Variants in ARHGEF2 observed in about 807,000 individuals in gnomAD.
The protein encoded by ARHGEF2 is Rho/Rac guanine nucleotide exchange factor 2.
Under a neutral mutation model 121.0 loss-of-function variants are expected in ARHGEF2, and 22 were observed. The observed-to-expected ratio is 0.18, with a 90% confidence interval of 0.13 to 0.26. ARHGEF2 has a LOEUF of 0.26. Among genes scored for constraint, ARHGEF2 ranks in the 10% least tolerant of loss-of-function variants. The pLI is 1.00. For synonymous variants in ARHGEF2, 487 were observed against 530.0 expected (o/e 0.92, Z 1.11); for missense variants, 907 against 1,336.0 (o/e 0.68, Z 5.01).
Position 155,977,984 on chromosome 1 carries a change from G to T in ARHGEF2, c.63+381C>A, listed in dbSNP as rs532976143. On this transcript the variant is annotated intron_variant, in intron 1 of 21. Coordinates refer to ENST00000361247, the MANE Select transcript of ARHGEF2 (RefSeq NM_001162383.2). ...GCCACGCCAAGCCCAAGCCGGTGGG[G>T]CCCGGGGTGAGAGGAGGTGCCGGAG... is the stretch of plus-strand genomic sequence containing the variant. 971 of 712,180 alleles carry T rather than the reference G, an allele frequency of 1.4e-3. 3 individuals carry two copies. Among genetic ancestry groups the T allele is most frequent in the African/African-American group, 0.013 (686 of 53,166 alleles). The allele number at this position is 712,180 out of a possible 1,614,324, so 44.1% of individuals were successfully genotyped here. A position where few individuals can be genotyped will look rare whatever the true frequency, so the allele number is the denominator to read the frequency against.
In ARHGEF2 at chr1:155,978,373, C is replaced by T. The variant is rs1260128281; in HGVS notation, c.55G>A (p.Ala19Thr). The T allele has an allele frequency of 6.6e-6, 10 of 1,516,606 alleles. No individual in the cohort carries two copies. The highest frequency in any genetic ancestry group is 8.9e-6 in the Non-Finnish European group (10 of 1,122,728). 93.9% of individuals were successfully genotyped at this position (1,516,606 alleles called of 1,614,324 possible). Residue 19 changes from alanine (A) to threonine (T), a missense_variant, in exon 1 of 22, where the codon GCG becomes ACG. Ala to Thr is a moderately conservative substitution (Grantham distance 58). Around this residue, in one of 2 missense-constraint regions of ARHGEF2, gnomAD observed 475 missense variants for 776.5 expected, o/e 0.61. Transcript: ENST00000361247. The surrounding 1 kb of genome is among the most constrained non-coding windows in gnomAD (Gnocchi z 4.1). ...RARIDRSREL[A>T]SKTREKEKMK... Reference sequence around the variant, plus strand: ...GGGGTTTCCGAGCCCACCTTGCTCGCCAGCTCTCTGCTCCGGTCGATCCGC... The same window carrying T: ...GGGGTTTCCGAGCCCACCTTGCTCGTCAGCTCTCTGCTCCGGTCGATCCGC...
chr1:155,966,987 C>T (rs1017562604), intron 2 of ARHGEF2, 100 bp from the exon 3 acceptor site: 39 of 1,152,002 alleles, frequency 3.4e-5, no homozygotes, highest in African/African-American at 2.9e-4. Context: ...ACACAGTCCT[C>T]GGGGACTCTC....
intron 1 of ARHGEF2, among the ~76,000 whole-genome samples, chr1:155,977,781 G>T (rs1420651439): frequency 6.6e-6 from 1 of 152,208 alleles, no homozygotes; most frequent in Non-Finnish European, 1.5e-5. Context: ...CCAGAGGGGA[G>T]AACTGAATCA....
chr1:155,971,122 A>G, intron 1 of ARHGEF2: 1 of 985,022 alleles, frequency 1.0e-6, no homozygotes, highest in Non-Finnish European at 1.2e-6. Flanking sequence ...TCCTCTACCT[A>G]GGCTTATTCA....
chr1:155,955,740 G>C (rs995670540), intron 13 of ARHGEF2, among the ~76,000 whole-genome samples: 2 of 151,590 alleles, frequency 1.3e-5, no homozygotes, highest in Admixed American at 6.6e-5. Flanking sequence ...TTTTGAGAGA[G>C]AGTCTTGCAC....
Position 155,978,202 on chromosome 1 carries a change from G to C in ARHGEF2, c.63+163C>G. The C allele has an allele frequency of 7.8e-7, 1 of 1,274,974 alleles. No individual in the cohort carries two copies. The allele number at this position is 1,274,974 out of a possible 1,614,324, so 79.0% of individuals were successfully genotyped here. A position where few individuals can be genotyped will look rare whatever the true frequency, so the allele number is the denominator to read the frequency against. ...CCGCTCCCCCCACCCCTACCCACTC[G>C]CTCGCAGTCCCCACCCACCCCGTCC... On this transcript the variant is annotated intron_variant, in intron 1 of 21. Coordinates refer to ENST00000361247, the MANE Select transcript of ARHGEF2 (RefSeq NM_001162383.2). This position sits in a 1 kb window ranked among gnomAD's most constrained non-coding sequence, Gnocchi z 4.1.
In ARHGEF2 at chr1:155,947,765, TG is replaced by T; in HGVS notation, c.*176del. On this transcript the variant is annotated 3_prime_UTR_variant, in exon 22 of 22. Transcript: ENST00000361247. Reference sequence around the variant, plus strand: ...CTTTCGGATGTCCCAGGGGGTGTTGTGGCCTAATTCCCCTAGCTTCTTAAAT... The same window carrying T: ...CTTTCGGATGTCCCAGGGGGTGTTGTGCCTAATTCCCCTAGCTTCTTAAAT... 1 of 564,852 alleles carries T rather than the reference TG, an allele frequency of 1.8e-6. No individual in the cohort carries two copies. Among genetic ancestry groups the T allele is most frequent in the Non-Finnish European group, 3.2e-6 (1 of 313,676 alleles). The allele number at this position is 564,852 out of a possible 1,614,324, so 35.0% of individuals were successfully genotyped here. A position where few individuals can be genotyped will look rare whatever the true frequency, so the allele number is the denominator to read the frequency against.
At chr1:155,955,075 T>A in intron 13 of ARHGEF2, 106 bp from the exon 14 acceptor site, 2 of 884,842 alleles carry the variant, frequency 2.3e-6, no homozygotes, top group Non-Finnish European at 3.6e-6. Context: ...CATCTTCTGA[T>A]AAGACTCCTC....
At chr1:155,949,473 G>A (rs542190024) in intron 21 of ARHGEF2, among the ~76,000 whole-genome samples, 30 of 151,818 alleles carry the variant, frequency 2.0e-4, no homozygotes, top group African/African-American at 6.3e-4. Context: ...CCAGCTACTC[G>A]GGAGTCTGAG....
Position 155,965,559 on chromosome 1 carries a change from G to A in ARHGEF2, c.470+72C>T, listed in dbSNP as rs1004178963. ...CAGTTCTGAACTCAGGGATGGAAAG[G>A]GACCTCTCAGCACCCCCTTGGCCTC... On this transcript the variant is annotated intron_variant, in intron 5 of 21. Coordinates refer to ENST00000361247, the MANE Select transcript of ARHGEF2 (RefSeq NM_001162383.2). This position sits in a 1 kb window ranked among gnomAD's most constrained non-coding sequence, Gnocchi z 6.0. 1 of 1,608,704 alleles carries A rather than the reference G, an allele frequency of 6.2e-7. No individual in the cohort carries two copies. Among genetic ancestry groups the A allele is most frequent in the African/African-American group, 1.3e-5 (1 of 74,648 alleles).
chr1:155,978,432 G>T lies in ARHGEF2; in HGVS notation c.-5C>A. 1 of 1,492,742 alleles carries T rather than the reference G, an allele frequency of 6.7e-7. No homozygotes were observed. Among genetic ancestry groups the T allele is most frequent in the Non-Finnish European group, 9.0e-7 (1 of 1,107,346 alleles). The allele number at this position is 1,492,742 out of a possible 1,614,324, so 92.5% of individuals were successfully genotyped here. A position where few individuals can be genotyped will look rare whatever the true frequency, so the allele number is the denominator to read the frequency against. ...GAGGGATTCGATCCGAGACATAATC[G>T]GACGGGGGGACCAGGGAGGACGCGG... is the stretch of plus-strand genomic sequence containing the variant. On this transcript the variant is annotated 5_prime_UTR_variant, in exon 1 of 22. Transcript: ENST00000361247. The surrounding 1 kb of genome is among the most constrained non-coding windows in gnomAD (Gnocchi z 4.1).
chr1:155,970,267 A>G, intron 1 of ARHGEF2: 1 of 985,204 alleles, frequency 1.0e-6, no homozygotes, highest in South Asian at 4.7e-5. Context: ...CGCATTTTCC[A>G]TCTCTGCTGT....
intron 1 of ARHGEF2, among the ~76,000 whole-genome samples, chr1:155,971,344 G>A (rs189678788): frequency 4.0e-4 from 61 of 152,082 alleles, no homozygotes; most frequent in South Asian, 1.0e-3. Context: ...TTGGGAGGTC[G>A]AGGCGGGTGG....
At chr1:155,957,570 T>C in intron 13 of ARHGEF2, 143 bp downstream of exon 13, 1 of 924,880 alleles carries the variant, frequency 1.1e-6, no homozygotes, top group Non-Finnish European at 1.6e-6. Context: ...ACCTTTCCAG[T>C]CTTGGGCCAT....
At chr1:155,948,078 A>G in intron 21 of ARHGEF2, 63 bp from the exon 22 acceptor site, 1 of 1,368,396 alleles carries the variant, frequency 7.3e-7, no homozygotes, top group South Asian at 1.3e-5. Flanking sequence ...CTGTACCCCT[A>G]GACTAATGCC....
At chr1:155,969,733 A>G (rs2102682929) in intron 1 of ARHGEF2, 2 of 997,918 alleles carry the variant, frequency 2.0e-6, no homozygotes, top group South Asian at 8.9e-5. Flanking sequence ...GCGCTTTCCA[A>G]TCTATGGGAG....
intron 2 of ARHGEF2, 78 bp from the exon 3 acceptor site, chr1:155,966,965 C>A: frequency 7.2e-7 from 1 of 1,382,382 alleles, no homozygotes; most frequent in Non-Finnish European, 1.0e-6. Context: ...AGACACCCAT[C>A]TCCTCCTGGC....
chr1:155,974,167 C>T (rs1018210768), intron 1 of ARHGEF2, among the ~76,000 whole-genome samples: 27 of 152,100 alleles, frequency 1.8e-4, no homozygotes, highest in African/African-American at 6.0e-4. Context: ...ATTACAGGTG[C>T]GAGCCACTGT....
rs1420022104 is a variant in ARHGEF2, at chr1:155,961,509, C to T, written c.1468+152G>A. On this transcript the variant is annotated intron_variant, in intron 11 of 21. Transcript: ENST00000361247. This position sits in a 1 kb window ranked among gnomAD's most constrained non-coding sequence, Gnocchi z 4.7. Reference sequence around the variant, plus strand: ...CAGGATGGTCTCAATCTCCTGACCTCGTGATCCGCCCGCCTCGGCCTCCCT... The same window carrying T: ...CAGGATGGTCTCAATCTCCTGACCTTGTGATCCGCCCGCCTCGGCCTCCCT... 11 of 1,108,694 alleles carry T rather than the reference C, an allele frequency of 9.9e-6. No homozygotes were observed. In the East Asian group the frequency reaches 1.2e-4, roughly 12 times the overall value. 68.7% of individuals were successfully genotyped at this position (1,108,694 alleles called of 1,614,324 possible).
Sources: allele counts gnomAD v4.1 joint callset (sites outside exome capture counted in the v4.1 genomes callset), GRCh38; gene constraint gnomAD v4.1.1; regional missense constraint gnomAD v4.1.1; non-coding constraint Gnocchi (gnomAD v3.1); transcripts MANE v1.5; gene names NCBI Gene and HGNC (gene_info 2026-07-23, HGNC 2026-07-21).